ZEB1: variants seen among roughly 807,000 people sequenced by gnomAD.
ZEB1 encodes zinc finger E-box-binding homeobox 1.
ZEB1 carries 21 observed loss-of-function variants against 84.9 expected under a neutral mutation model. The observed-to-expected ratio is 0.25, with a 90% CI of 0.18 to 0.36. The LOEUF (loss-of-function observed/expected upper bound fraction) is 0.36. Among genes scored for constraint, ZEB1 ranks in the 10% least tolerant of loss-of-function variants. The pLI is 1.00. For synonymous variants in ZEB1, 420 were observed against 471.1 expected, an observed-to-expected ratio of 0.89 and a Z score of 1.41; for missense variants, 1,104 against 1,330.2, an observed-to-expected ratio of 0.83 and a Z score of 2.65.
At chr10:31,466,641 C>A (rs2062461778) in intron 2 of ZEB1, among the ~76,000 whole-genome samples, 1 of 152,028 alleles carries the variant, frequency 6.6e-6, no homozygotes. Flanking sequence ...GCAATAAATG[C>A]CTACATTAAG....
intron 1 of ZEB1, chr10:31,387,850 T>A: frequency 1.2e-6 from 1 of 800,908 alleles, no homozygotes; most frequent in Non-Finnish European, 1.5e-6. Flanking sequence ...AAATATTACT[T>A]AAAACTTGAA....
intron 1 of ZEB1, among the ~76,000 whole-genome samples, chr10:31,418,244 G>A (rs1455221881): frequency 6.6e-6 from 1 of 151,810 alleles, no homozygotes; most frequent in Non-Finnish European, 1.5e-5. Flanking sequence ...GCTAAACAGA[G>A]GCAAGCAGCA....
Position 31,521,016 on chromosome 10 carries a change from C to G in ZEB1, c.1684C>G (p.Leu562Val). 1 of 1,614,092 alleles carries G rather than the reference C, an allele frequency of 6.2e-7. No homozygotes were observed. Among genetic ancestry groups the G allele is most frequent in the Non-Finnish European group, 8.5e-7 (1 of 1,180,004 alleles). Residue 562 changes from leucine to valine, a missense_variant, in exon 7 of 9, where the codon CTC becomes GTC. Around this residue, in one of 7 missense-constraint regions of ZEB1, gnomAD observed 531 missense variants for 575.2 expected, o/e 0.92. Coordinates refer to ENST00000424869, the MANE Select transcript of ZEB1 (RefSeq NM_001174096.2). ...DLKQPTQPPP[L>V]PAAEAEKPES... ...AAAGCAGCCTACTCAGCCTCCTCCA[C>G]TCCCTGCAGCAGAAGCTGAGAAGCC...
intron 1 of ZEB1, among the ~76,000 whole-genome samples, chr10:31,450,275 C>G (rs1294636111): frequency 6.6e-6 from 1 of 152,016 alleles, no homozygotes. Flanking sequence ...TGTAGGTCCT[C>G]CATGTTTTAT....
chr10:31,383,879 A>G (rs2048141603), intron 1 of ZEB1, among the ~76,000 whole-genome samples: 1 of 151,942 alleles, frequency 6.6e-6, no homozygotes, highest in African/African-American at 2.4e-5. Context: ...CTAAGGGCAC[A>G]TGAGAATTAA....
chr10:31,361,599 T>C (rs1477670283), intron 1 of ZEB1, among the ~76,000 whole-genome samples: 17 of 144,086 alleles, frequency 1.2e-4, no homozygotes, highest in Non-Finnish European at 1.8e-4. Flanking sequence ...TCCCAGACGG[T>C]GCAGGGGCTG....
At chr10:31,499,476 G>A (rs1018198514) in intron 3 of ZEB1, among the ~76,000 whole-genome samples, 1 of 151,990 alleles carries the variant, frequency 6.6e-6, no homozygotes, top group East Asian at 1.9e-4. Context: ...ACACCAGCCA[G>A]CCAAGTCAGA....
intron 1 of ZEB1, among the ~76,000 whole-genome samples, chr10:31,423,754 C>T (rs2056544561): frequency 6.6e-6 from 1 of 151,972 alleles, no homozygotes; most frequent in South Asian, 2.1e-4. Flanking sequence ...AGTTTGAAAC[C>T]TTCATGAGAA....
intron 1 of ZEB1, among the ~76,000 whole-genome samples, chr10:31,386,442 TGTAA>T (rs1257716430): frequency 5.3e-5 from 8 of 152,116 alleles, no homozygotes; most frequent in Admixed American, 1.3e-4. Context: ...TTTAATTTTA[TGTAA>T]GTTTCACCTT....
At chr10:31,381,309 T>G (rs2047587287) in intron 1 of ZEB1, among the ~76,000 whole-genome samples, 1 of 152,216 alleles carries the variant, frequency 6.6e-6, no homozygotes. Flanking sequence ...CCAGATATAC[T>G]GTATCTTTAT....
At chr10:31,504,110 T>C (rs529323213) in intron 4 of ZEB1, among the ~76,000 whole-genome samples, 21 of 150,544 alleles carry the variant, frequency 1.4e-4, no homozygotes, top group Non-Finnish European at 2.1e-4. Context: ...TTTAAGTCTT[T>C]CATTGATCTT....
At chr10:31,321,768 G>A (rs900354800) in intron 1 of ZEB1, 2 of 573,932 alleles carry the variant, frequency 3.5e-6, no homozygotes, top group Admixed American at 3.0e-5. Context: ...ATGACTTAAG[G>A]GGGGAAAAGC....
Position 31,442,174 on chromosome 10 carries a change from A to G in ZEB1, c.59-18863A>G, listed in dbSNP as rs141918850. ...GAACCAACCCAAATGTCCATCAGTG[A>G]TAGACTGGTTTAAGAAAAGGTGGCA... On this transcript the variant is annotated intron_variant, in intron 1 of 8. Transcript: ENST00000424869. Among the ~76,000 whole-genome samples, 207 of 152,362 alleles carry G rather than the reference A, an allele frequency of 1.4e-3. 1 individual carries two copies. The highest frequency in any genetic ancestry group is 4.7e-3 in the African/African-American group (196 of 41,590).
intron 2 of ZEB1, among the ~76,000 whole-genome samples, chr10:31,470,002 C>G (rs1409723490): frequency 6.6e-6 from 1 of 152,086 alleles, no homozygotes; most frequent in African/African-American, 2.4e-5. Context: ...AGCTGAGGGT[C>G]CTGTCTGTTA....
intron 1 of ZEB1, among the ~76,000 whole-genome samples, chr10:31,447,563 T>C (rs953271858): frequency 7.3e-6 from 1 of 137,290 alleles, no homozygotes; most frequent in Non-Finnish European, 1.6e-5. Context: ...CGGTTGTTCC[T>C]TTCCATGTTT....
chr10:31,478,170 C>G (rs183533548), intron 2 of ZEB1, among the ~76,000 whole-genome samples: 129 of 152,038 alleles, frequency 8.5e-4, no homozygotes, highest in Admixed American at 6.2e-3. Context: ...AAGAGAAAAA[C>G]AACCCCATTA....
chr10:31,521,430 A>G lies in ZEB1; in HGVS notation c.2098A>G (p.Arg700Gly). The G allele has an allele frequency of 6.2e-7, 1 of 1,614,162 alleles. No homozygotes were observed. The highest frequency in any genetic ancestry group is 8.5e-7 in the Non-Finnish European group (1 of 1,180,010). ...AGTGGGATCAACCACCAATGGTTCC[A>G]GAAGTAGTACACCATCCCCATCACC... Reference protein sequence around the residue: ...LPVGSTTNGSRSSTPSPSPLN... With the variant: ...LPVGSTTNGSGSSTPSPSPLN... Residue 700 changes from arginine (R) to glycine (G), a missense_variant, in exon 7 of 9, where the codon AGA (arginine) becomes GGA (glycine). Coordinates refer to ENST00000424869, the MANE Select transcript of ZEB1 (RefSeq NM_001174096.2).
intron 2 of ZEB1, among the ~76,000 whole-genome samples, chr10:31,471,290 C>T (rs1386490409): frequency 8.3e-6 from 1 of 120,292 alleles, no homozygotes; most frequent in Non-Finnish European, 1.7e-5. Flanking sequence ...AGAGTCAAGA[C>T]CCATCAGTGT....
At chr10:31,407,457 G>T (rs1406607710) in intron 1 of ZEB1, among the ~76,000 whole-genome samples, 2 of 151,844 alleles carry the variant, frequency 1.3e-5, no homozygotes, top group Non-Finnish European at 2.9e-5. Flanking sequence ...AGTATTCCAT[G>T]GTGTATATGT....
Sources: allele counts gnomAD v4.1 joint callset (sites outside exome capture counted in the v4.1 genomes callset), GRCh38; gene constraint gnomAD v4.1.1; regional missense constraint gnomAD v4.1.1; transcripts MANE v1.5; gene names NCBI Gene and HGNC (gene_info 2026-07-23, HGNC 2026-07-21).